The following INPP4B variants were observed in gnomAD, a reference collection of about 807,000 sequenced individuals.
The protein encoded by INPP4B is inositol polyphosphate 4-phosphatase type II.
In INPP4B, 55 loss-of-function variants were observed where a neutral mutation model predicts 122.5. The ratio of observed to expected loss-of-function variants is 0.45; its 90% CI spans 0.36 to 0.56. The LOEUF (loss-of-function observed/expected upper bound fraction) is 0.56, where lower values mean the gene tolerates loss of function less well. Ranked by LOEUF, INPP4B falls within the 20% of genes least tolerant of loss-of-function variation. INPP4B has a pLI of 0.00. For synonymous variants in INPP4B, 403 were observed against 388.7 expected (o/e 1.04, Z -0.43); for missense variants, 1,000 against 1,097.7 (o/e 0.91, Z 1.26).
intron 3 of INPP4B, among the ~76,000 whole-genome samples, chr4:142,432,881 A>G (rs1347355331): frequency 6.6e-6 from 1 of 152,192 alleles, no homozygotes; most frequent in African/African-American, 2.4e-5. Context: ...GTGAATAATT[A>G]ATGAAATAAA....
intron 2 of INPP4B, among the ~76,000 whole-genome samples, chr4:142,627,981 A>G (rs1039898671): frequency 5.9e-5 from 9 of 152,046 alleles, no homozygotes; most frequent in East Asian, 1.9e-4. Flanking sequence ...TTAGTCTTGG[A>G]AGAGTGTATG....
At chr4:142,685,823 TA>T (rs1333882946) in intron 2 of INPP4B, among the ~76,000 whole-genome samples, 1 of 152,120 alleles carries the variant, frequency 6.6e-6, no homozygotes, top group African/African-American at 2.4e-5. Flanking sequence ...ATTTTTAAAA[TA>T]TGTGTCAAGA....
intron 11 of INPP4B, among the ~76,000 whole-genome samples, chr4:142,257,286 A>G (rs1694856246): frequency 6.6e-6 from 1 of 152,230 alleles, no homozygotes; most frequent in Non-Finnish European, 1.5e-5. Flanking sequence ...TTCCCTTTGA[A>G]AACTGGCACT....
At chr4:142,784,920 G>A (rs569315357) in intron 1 of INPP4B, among the ~76,000 whole-genome samples, 2 of 152,106 alleles carry the variant, frequency 1.3e-5, no homozygotes, top group African/African-American at 4.8e-5. Context: ...TAACAAAAAA[G>A]AGCTAAGAAA....
intron 10 of INPP4B, among the ~76,000 whole-genome samples, chr4:142,264,974 C>T (rs1441316592): frequency 7.1e-6 from 1 of 140,612 alleles, no homozygotes; most frequent in East Asian, 1.9e-4. Flanking sequence ...CTCTCTCTCT[C>T]TCTCCCTCTC....
intron 7 of INPP4B, among the ~76,000 whole-genome samples, chr4:142,366,334 C>CAAA (rs3049117): frequency 7.0e-4 from 101 of 144,634 alleles, no homozygotes; most frequent in South Asian, 2.1e-3. Flanking sequence ...TTGTTGCTCA[C>CAAA]AAAAAAAAAA....
chr4:142,582,926 C>T (rs1735403654), intron 2 of INPP4B, among the ~76,000 whole-genome samples: 4 of 152,144 alleles, frequency 2.6e-5, no homozygotes, highest in Admixed American at 2.6e-4. Flanking sequence ...TATTGATGCT[C>T]AACCAATGTA....
Position 142,312,435 on chromosome 4 carries a change from G to C in INPP4B, c.423+2277C>G, listed in dbSNP as rs3775701. ...AGGGTCTGGTGCCAAAAATCACTTA[G>C]AAAGCCTAGAGGTGTCTAAACCACG... On this transcript the variant is annotated intron_variant, in intron 8 of 25. Transcript: ENST00000262992. Among the ~76,000 whole-genome samples the C allele has an allele frequency of 2.8e-4, 43 of 152,104 alleles. 1 individual carries two copies. Among genetic ancestry groups the C allele is most frequent in the Middle Eastern group, 3.4e-3 (1 of 292 alleles).
chr4:142,224,438 AGTCACAAAAT>A (rs1445447765), intron 12 of INPP4B, among the ~76,000 whole-genome samples: 23 of 152,320 alleles, frequency 1.5e-4, no homozygotes, highest in Middle Eastern at 3.4e-3. Context: ...TTTAAATTAT[AGTCACAAAAT>A]GTTTTAAGAT....
chr4:142,810,605 T>C (rs1779390719), intron 1 of INPP4B, among the ~76,000 whole-genome samples: 1 of 152,218 alleles, frequency 6.6e-6, no homozygotes, highest in Admixed American at 6.5e-5. Flanking sequence ...AGTGATTTCA[T>C]AAAATCAGCT....
At chr4:142,639,338 A>AT (rs943598407) in intron 2 of INPP4B, among the ~76,000 whole-genome samples, 52 of 152,200 alleles carry the variant, frequency 3.4e-4, no homozygotes, top group African/African-American at 1.2e-3. Context: ...AATTGATATA[A>AT]TTTTTTTCTT....
intron 25 of INPP4B, among the ~76,000 whole-genome samples, chr4:142,055,864 G>A (rs1578745703): frequency 6.6e-6 from 1 of 151,796 alleles, no homozygotes; most frequent in East Asian, 1.9e-4. Flanking sequence ...TACATTTATT[G>A]TGTACTTTAT....
chr4:142,690,683 C>T (rs1034221033), intron 2 of INPP4B, among the ~76,000 whole-genome samples: 6 of 152,194 alleles, frequency 3.9e-5, no homozygotes, highest in Admixed American at 2.6e-4. Flanking sequence ...TGTTGCCTCC[C>T]ACTCCTGCAA....
intron 2 of INPP4B, among the ~76,000 whole-genome samples, chr4:142,645,165 G>A (rs1751470588): frequency 6.6e-6 from 1 of 152,044 alleles, no homozygotes; most frequent in East Asian, 1.9e-4. Flanking sequence ...AAAAAGTAAG[G>A]ACATTTGTAA....
chr4:142,313,650 T>C (rs1228941134), intron 8 of INPP4B, among the ~76,000 whole-genome samples: 1 of 152,152 alleles, frequency 6.6e-6, no homozygotes, highest in Non-Finnish European at 1.5e-5. Context: ...TGAAGGTTTG[T>C]GTAGTCAGCA....
intron 16 of INPP4B, among the ~76,000 whole-genome samples, chr4:142,168,017 C>G (rs557810478): frequency 6.6e-6 from 1 of 151,026 alleles, no homozygotes; most frequent in Admixed American, 6.6e-5. Context: ...TTTCTTCTGG[C>G]TTGCCTAAAG....
chr4:142,405,137 G>A, intron 6 of INPP4B, 69 bp downstream of exon 6: 2 of 875,502 alleles, frequency 2.3e-6, no homozygotes, highest in Non-Finnish European at 1.9e-6. Flanking sequence ...GGGAGAGAGA[G>A]AGCAAGAGCG....
At chr4:142,608,901 A>G (rs974895638) in intron 2 of INPP4B, among the ~76,000 whole-genome samples, 1 of 151,978 alleles carries the variant, frequency 6.6e-6, no homozygotes, top group African/African-American at 2.4e-5. Context: ...CTGTTCCCCA[A>G]TCTCCACTCT....
intron 11 of INPP4B, among the ~76,000 whole-genome samples, chr4:142,257,215 AAG>A (rs1157722827): frequency 6.6e-6 from 1 of 152,232 alleles, no homozygotes; most frequent in Admixed American, 6.5e-5. Flanking sequence ...TCAAAATAAT[AAG>A]AGCTATCTGT....
Sources: gnomAD v4.1 joint callset for allele counts (sites outside exome capture counted in the v4.1 genomes callset) on GRCh38, gnomAD v4.1.1 for gene constraint, MANE v1.5 for transcripts, NCBI Gene and HGNC (gene_info 2026-07-23, HGNC 2026-07-21) for gene names.